Variants in TAS2R1 observed in about 807,000 individuals in gnomAD.
TAS2R1 encodes taste receptor type 2 member 1.
For missense variants in TAS2R1, 370 were observed against 353.4 expected (o/e 1.05, Z -0.38); for synonymous variants, 141 against 134.2 (o/e 1.05, Z -0.35).
chr5:9,886,138 T>G, the TAS2R1 span, among the ~76,000 whole-genome samples: 1 of 151,256 alleles, frequency 6.6e-6, no homozygotes, highest in South Asian at 2.1e-4. Flanking sequence ...TTCAAGCAAT[T>G]CTCCTGCCTT....
chr5:9,702,796 GGAGA>G (rs1276780835), intron 1 of TAS2R1, among the ~76,000 whole-genome samples: 1 of 152,030 alleles, frequency 6.6e-6, no homozygotes, highest in Non-Finnish European at 1.5e-5. Context: ...GAGGACTGGT[GGAGA>G]GAAAGAGAGG....
At chr5:9,633,319 TAC>T (rs61375498), upstream of TAS2R1, among the ~76,000 whole-genome samples, 1 of 137,478 alleles carries the variant, frequency 7.3e-6, no homozygotes, top group Admixed American at 7.1e-5. Context: ...TATATATATA[TAC>T]ACAAATGTTC....
intron 2 of TAS2R1, among the ~76,000 whole-genome samples, chr5:9,656,728 T>G (rs572236755): frequency 1.3e-5 from 2 of 152,288 alleles, no homozygotes; most frequent in African/African-American, 4.8e-5. Context: ...TGTGGCCCAG[T>G]CAAGTTGACA....
At chr5:9,799,333 C>A in the TAS2R1 span, among the ~76,000 whole-genome samples, 1 of 152,224 alleles carries the variant, frequency 6.6e-6, no homozygotes, top group Non-Finnish European at 1.5e-5. Context: ...GCTCCTCAAT[C>A]ACAAAATTAT....
intron 2 of TAS2R1, among the ~76,000 whole-genome samples, chr5:9,646,981 G>C (rs577565694): frequency 6.6e-6 from 1 of 152,106 alleles, no homozygotes; most frequent in African/African-American, 2.4e-5. Flanking sequence ...TTGTCATAGC[G>C]TATAAAATAT....
At chr5:9,771,019 C>T in the TAS2R1 span, among the ~76,000 whole-genome samples, 1 of 152,144 alleles carries the variant, frequency 6.6e-6, no homozygotes, top group Admixed American at 6.5e-5. Context: ...CAGTGTGAAG[C>T]TAGCTGTGCA....
chr5:9,879,923 C>G, the TAS2R1 span, among the ~76,000 whole-genome samples: 1 of 152,128 alleles, frequency 6.6e-6, no homozygotes, highest in Non-Finnish European at 1.5e-5. Flanking sequence ...GATAAGAGAA[C>G]AGATAACCAG....
chr5:9,693,028 A>G (rs993605048), intron 1 of TAS2R1, among the ~76,000 whole-genome samples: 1 of 151,962 alleles, frequency 6.6e-6, no homozygotes, highest in Non-Finnish European at 1.5e-5. Flanking sequence ...GCCATTTCCA[A>G]AAGAAGAGCT....
the TAS2R1 span, among the ~76,000 whole-genome samples, chr5:9,744,850 T>C: frequency 6.6e-6 from 1 of 152,248 alleles, no homozygotes; most frequent in South Asian, 2.1e-4. Flanking sequence ...ATGTATACAA[T>C]GTTATGGTGA....
chr5:9,691,167 G>T (rs1342096579), intron 1 of TAS2R1, among the ~76,000 whole-genome samples: 1 of 152,180 alleles, frequency 6.6e-6, no homozygotes, highest in East Asian at 1.9e-4. Flanking sequence ...CCTCAATCCG[G>T]TCACATGTGT....
At chr5:9,643,010 C>G (rs569531139) in intron 2 of TAS2R1, among the ~76,000 whole-genome samples, 1 of 149,976 alleles carries the variant, frequency 6.7e-6, no homozygotes, top group South Asian at 2.1e-4. Flanking sequence ...CCTTTCTTTC[C>G]TTTTTCCTTC....
At chr5:9,640,508 A>AC (rs1740055788) in intron 2 of TAS2R1, among the ~76,000 whole-genome samples, 2 of 149,296 alleles carry the variant, frequency 1.3e-5, no homozygotes, top group Admixed American at 6.7e-5. Flanking sequence ...AAAAAAAAAA[A>AC]AAAAAAAAAA....
At chr5:9,872,869 C>T in the TAS2R1 span, among the ~76,000 whole-genome samples, 2 of 152,176 alleles carry the variant, frequency 1.3e-5, no homozygotes, top group Non-Finnish European at 2.9e-5. Flanking sequence ...CTAAAATTCG[C>T]CAGTGCCCTG....
chr5:9,876,737 GA>G, the TAS2R1 span, among the ~76,000 whole-genome samples: 1 of 152,138 alleles, frequency 6.6e-6, no homozygotes, highest in Non-Finnish European at 1.5e-5. Flanking sequence ...TAAAAATTAT[GA>G]ATACGACTTC....
the TAS2R1 span, among the ~76,000 whole-genome samples, chr5:9,826,091 C>T: frequency 1.3e-5 from 2 of 151,654 alleles, no homozygotes; most frequent in Admixed American, 1.3e-4. Flanking sequence ...CATTTAATTA[C>T]ATTTAACATT....
Position 9,628,337 on chromosome 5 carries a change from G to T in TAS2R1, c.*796C>A, listed in dbSNP as rs926599182. 6.6e-6 allele frequency among the ~76,000 whole-genome samples: 1 copy of T among 152,102 alleles called. No individual in the cohort carries two copies. Among genetic ancestry groups the T allele is most frequent in the Non-Finnish European group, 1.5e-5 (1 of 68,016 alleles). On this transcript the variant is annotated 3_prime_UTR_variant, in exon 1 of 1. Transcript: ENST00000382492. ...CACTCTGGGTTGAAAGGGTCTCAAAGTCAGGCACACAAATACAAAATAAAA... is the reference window on the plus strand; with the variant it reads ...CACTCTGGGTTGAAAGGGTCTCAAATTCAGGCACACAAATACAAAATAAAA...
the TAS2R1 span, among the ~76,000 whole-genome samples, chr5:9,785,675 T>C: frequency 6.6e-6 from 1 of 152,232 alleles, no homozygotes; most frequent in East Asian, 1.9e-4. Flanking sequence ...ATGTTTAACA[T>C]TCCCTATAAA....
chr5:9,820,200 T>C, the TAS2R1 span, among the ~76,000 whole-genome samples: 1 of 152,076 alleles, frequency 6.6e-6, no homozygotes, highest in Admixed American at 6.6e-5. Flanking sequence ...CTTAAGCACA[T>C]GGAAAGGAAG....
the TAS2R1 span, among the ~76,000 whole-genome samples, chr5:9,826,947 C>T: frequency 6.6e-6 from 1 of 152,170 alleles, no homozygotes; most frequent in Non-Finnish European, 1.5e-5. Context: ...GTCTCCAATA[C>T]TTCTAATACT....
Sources: gnomAD v4.1 joint callset for allele counts (sites outside exome capture counted in the v4.1 genomes callset) on GRCh38, gnomAD v4.1.1 for gene constraint, MANE v1.5 for transcripts, NCBI Gene and HGNC (gene_info 2026-07-23, HGNC 2026-07-21) for gene names.